The following GRAMD1B variants were observed in gnomAD, a reference collection of about 807,000 sequenced individuals.
GRAMD1B encodes protein Aster-B.
In GRAMD1B, 37 loss-of-function variants were observed where a neutral mutation model predicts 99.7. That is an observed-to-expected ratio of 0.37 (90% CI 0.29 to 0.49). The LOEUF (loss-of-function observed/expected upper bound fraction) is 0.49, where lower values mean the gene tolerates loss of function less well. Among genes scored for constraint, GRAMD1B ranks in the 20% least tolerant of loss-of-function variants. The pLI, the probability that GRAMD1B is intolerant of heterozygous loss-of-function variation, is 0.98. For missense variants in GRAMD1B, 888 were observed against 1,009.2 expected (o/e 0.88, Z 1.63); for synonymous variants, 427 against 387.6 (o/e 1.10, Z -1.19).
intron 2 of GRAMD1B, among the ~76,000 whole-genome samples, chr11:123,538,405 T>A (rs1404517493): frequency 6.6e-6 from 1 of 152,056 alleles, no homozygotes; most frequent in Non-Finnish European, 1.5e-5. Flanking sequence ...TTCATTTTGA[T>A]ATAATCATGT....
intron 2 of GRAMD1B, among the ~76,000 whole-genome samples, chr11:123,511,831 GA>G (rs1477430572): frequency 6.6e-6 from 1 of 152,198 alleles, no homozygotes; most frequent in African/African-American, 2.4e-5. Flanking sequence ...ATGTCTCTGG[GA>G]ATCATAGAAC....
chr11:123,420,368 G>C (rs1355748581), intron 1 of GRAMD1B, among the ~76,000 whole-genome samples: 2 of 152,130 alleles, frequency 1.3e-5, no homozygotes, highest in African/African-American at 4.8e-5. Flanking sequence ...AGACACTTGG[G>C]TAAAAATGAT....
chr11:123,367,837 G>A (rs568510245), intron 1 of GRAMD1B, among the ~76,000 whole-genome samples: 7 of 152,182 alleles, frequency 4.6e-5, no homozygotes, highest in Non-Finnish European at 8.8e-5. Context: ...TGAGTGGTCC[G>A]GGAGAGACCT....
At chr11:123,506,758 C>T (rs911045070) in intron 2 of GRAMD1B, among the ~76,000 whole-genome samples, 3 of 150,434 alleles carry the variant, frequency 2.0e-5, no homozygotes, top group Admixed American at 1.3e-4. Flanking sequence ...CTCCCCCTCT[C>T]TCCCACCCTG....
At chr11:123,451,556 A>G (rs1949888377) in intron 1 of GRAMD1B, among the ~76,000 whole-genome samples, 1 of 152,212 alleles carries the variant, frequency 6.6e-6, no homozygotes, top group Non-Finnish European at 1.5e-5. Flanking sequence ...GAAATGAAAC[A>G]TAAAGACCAA....
chr11:123,611,998 A>T (rs1290843136), intron 14 of GRAMD1B, among the ~76,000 whole-genome samples: 1 of 152,160 alleles, frequency 6.6e-6, no homozygotes, highest in Non-Finnish European at 1.5e-5. Flanking sequence ...GTGACCAGTG[A>T]CTGGGAGCAA....
chr11:123,540,295 G>A (rs1395535763), intron 2 of GRAMD1B, among the ~76,000 whole-genome samples: 1 of 151,752 alleles, frequency 6.6e-6, no homozygotes, highest in Non-Finnish European at 1.5e-5. Flanking sequence ...GCCCAAACTG[G>A]TCTCAAACAA....
intron 1 of GRAMD1B, among the ~76,000 whole-genome samples, chr11:123,455,594 G>C (rs1366201810): frequency 6.6e-6 from 1 of 152,302 alleles, no homozygotes; most frequent in Non-Finnish European, 1.5e-5. Flanking sequence ...GGACTCTGGA[G>C]TGATCTGCAT....
At chr11:123,536,587 T>A (rs931715533) in intron 2 of GRAMD1B, among the ~76,000 whole-genome samples, 4 of 152,176 alleles carry the variant, frequency 2.6e-5, no homozygotes, top group African/African-American at 9.7e-5. Context: ...TTTTTTTGTT[T>A]TATATTTAGC....
intron 9 of GRAMD1B, among the ~76,000 whole-genome samples, chr11:123,603,844 G>A (rs1478242872): frequency 6.6e-6 from 1 of 152,224 alleles, no homozygotes; most frequent in Non-Finnish European, 1.5e-5. Context: ...ATACATTAAA[G>A]GGGAACCAGG....
intron 1 of GRAMD1B, among the ~76,000 whole-genome samples, chr11:123,440,977 C>A (rs1037684907): frequency 6.6e-6 from 1 of 152,134 alleles, no homozygotes; most frequent in Non-Finnish European, 1.5e-5. Flanking sequence ...TTGCACAAGC[C>A]CTCTTCTCTT....
chr11:123,460,235 A>G (rs1480826637), intron 1 of GRAMD1B: 1 of 152,250 alleles, frequency 6.6e-6, no homozygotes, highest in African/African-American at 2.4e-5. Flanking sequence ...GAAGGCTGTC[A>G]AAGTGCTTGG....
intron 1 of GRAMD1B, among the ~76,000 whole-genome samples, chr11:123,411,153 C>T (rs1369755863): frequency 6.6e-6 from 1 of 151,894 alleles, no homozygotes; most frequent in Non-Finnish European, 1.5e-5. Flanking sequence ...TATAGGCGCC[C>T]GCCACCACAC....
chr11:123,461,750 G>A (rs1016010311), intron 1 of GRAMD1B, among the ~76,000 whole-genome samples: 2 of 151,848 alleles, frequency 1.3e-5, no homozygotes, highest in Admixed American at 1.3e-4. Context: ...GATTACAGGT[G>A]TCCACCACCA....
At chr11:123,535,130 T>C (rs1353246036) in intron 2 of GRAMD1B, among the ~76,000 whole-genome samples, 1 of 152,096 alleles carries the variant, frequency 6.6e-6, no homozygotes, top group East Asian at 1.9e-4. Context: ...GAGATGCACT[T>C]TCCAATTCAG....
At position 123,465,437 on chromosome 11, in the gene GRAMD1B, T is replaced by A. The variant is rs1950613693; in HGVS notation, c.375-15379T>A. ...TAAGACATGTCCTTGGAGGCTGACC[T>A]GAAGCTCTGAATGGTAGTTGTGTGT... On this transcript the variant is annotated intron_variant, in intron 1 of 19. Transcript: ENST00000635736. 2.0e-5 allele frequency among the ~76,000 whole-genome samples: 3 copies of A among 152,196 alleles called. No homozygotes were observed. In the South Asian group the frequency reaches 6.2e-4, roughly 32 times the overall value.
chr11:123,494,576 G>A lies in GRAMD1B; in HGVS notation c.452+13683G>A, dbSNP rs558012250. Among the ~76,000 whole-genome samples the A allele has an allele frequency of 2.8e-4, 42 of 152,272 alleles. No individual in the cohort carries two copies. The South Asian group carries it at 8.5e-3, about 31-fold the overall frequency. ...TGCTTCTGTGGCTGTCAGCAGAACT[G>A]TCTGCAGGTGTAACCATCACCTGCT... On this transcript the variant is annotated intron_variant, in intron 2 of 19. Transcript: ENST00000635736.
chr11:123,410,776 GCAGA>G (rs972664454), intron 1 of GRAMD1B, among the ~76,000 whole-genome samples: 1 of 152,152 alleles, frequency 6.6e-6, no homozygotes, highest in East Asian at 1.9e-4. Flanking sequence ...AGTGAAGAGA[GCAGA>G]CAGTGTGTCA....
chr11:123,606,837 T>C, intron 11 of GRAMD1B, 39 bp downstream of exon 11: 1 of 1,526,766 alleles, frequency 6.5e-7, no homozygotes, highest in Non-Finnish European at 9.0e-7. Flanking sequence ...GCCCTTGCTC[T>C]GTTTTGAAGG....
Sources: allele counts gnomAD v4.1 joint callset (sites outside exome capture counted in the v4.1 genomes callset), GRCh38; gene constraint gnomAD v4.1.1; transcripts MANE v1.5; gene names NCBI Gene and HGNC (gene_info 2026-07-23, HGNC 2026-07-21).